The following KCNIP1 variants were observed in gnomAD, a reference collection of about 807,000 sequenced individuals.
KCNIP1 encodes potassium voltage-gated channel interacting protein 1.
KCNIP1 carries 18 observed loss-of-function variants against 33.0 expected under a neutral mutation model. That is an observed-to-expected ratio of 0.55 (90% CI 0.38 to 0.81). The LOEUF (loss-of-function observed/expected upper bound fraction) is 0.81, where lower values mean the gene tolerates loss of function less well. Among genes scored for constraint, KCNIP1 ranks in the 30% least tolerant of loss-of-function variants. The pLI, the probability that KCNIP1 is intolerant of heterozygous loss-of-function variation, is 0.00. For synonymous variants in KCNIP1, 93 were observed against 98.3 expected (o/e 0.95, Z 0.32); for missense variants, 238 against 271.6 (o/e 0.88, Z 0.87).
Position 170,504,220 on chromosome 5 carries a change from C to T in KCNIP1, c.-353C>T, listed in dbSNP as rs1350470140. 10 of 1,057,854 alleles carry T rather than the reference C, an allele frequency of 9.5e-6. No homozygotes were observed. The African/African-American group carries it at 1.3e-4, about 14-fold the overall frequency. The allele number at this position is 1,057,854 out of a possible 1,614,324, so 65.5% of individuals were successfully genotyped here. ...TCCCGCACCGCACGCGGCGCTGGCTCGGCAGCCTCGGCCGGGCGGCCGCTC... is the reference window on the plus strand; with the variant it reads ...TCCCGCACCGCACGCGGCGCTGGCTTGGCAGCCTCGGCCGGGCGGCCGCTC... On this transcript the variant is annotated 5_prime_UTR_variant, in exon 1 of 8. Coordinates refer to ENST00000328939, the MANE Select transcript of KCNIP1 (RefSeq NM_014592.4). This position sits in a 1 kb window ranked among gnomAD's most constrained non-coding sequence, Gnocchi z 6.0.
intron 1 of KCNIP1, among the ~76,000 whole-genome samples, chr5:170,605,560 G>C (rs575605249): frequency 1.3e-5 from 2 of 152,076 alleles, no homozygotes; most frequent in Non-Finnish European, 2.9e-5. Flanking sequence ...TGGAAGCCCC[G>C]TATTCACTAA....
intron 1 of KCNIP1, among the ~76,000 whole-genome samples, chr5:170,400,676 T>C (rs1324332822): frequency 6.6e-6 from 1 of 152,256 alleles, no homozygotes; most frequent in East Asian, 1.9e-4. Flanking sequence ...AAGTGGTTAC[T>C]GTGGTTATCC....
At chr5:170,548,465 T>C (rs1003794173) in intron 1 of KCNIP1, among the ~76,000 whole-genome samples, 39 of 152,234 alleles carry the variant, frequency 2.6e-4, no homozygotes, top group Admixed American at 2.0e-3. Context: ...AAGTACTGTG[T>C]TTGCACCTTT....
intron 1 of KCNIP1, among the ~76,000 whole-genome samples, chr5:170,566,185 C>T (rs952376128): frequency 2.6e-5 from 4 of 152,114 alleles, no homozygotes; most frequent in South Asian, 2.1e-4. Flanking sequence ...CTCAGCCTCC[C>T]GAGTAGCTGG....
intron 2 of KCNIP1, 116 bp from the exon 3 acceptor site, chr5:170,720,205 T>C: frequency 4.2e-6 from 3 of 716,756 alleles, no homozygotes; most frequent in Non-Finnish European, 7.5e-6. Context: ...GAAGTGGAAA[T>C]GCACAGGTCC....
At chr5:170,664,926 G>C (rs542500365) in intron 1 of KCNIP1, among the ~76,000 whole-genome samples, 3 of 152,156 alleles carry the variant, frequency 2.0e-5, no homozygotes, top group Admixed American at 2.0e-4. Context: ...GTTGACTCCC[G>C]AACTAACTGA....
chr5:170,353,815 G>T, exon 1 of KCNIP1: 1 of 1,498,380 alleles, frequency 6.7e-7, no homozygotes, highest in South Asian at 1.1e-5. Context: ...TTCCTGGGGT[G>T]CACAAGGTGG....
chr5:170,619,926 T>A (rs2202436), intron 1 of KCNIP1, among the ~76,000 whole-genome samples: 132,903 of 152,082 alleles, frequency 0.87, 58,325 homozygotes, highest in Middle Eastern at 0.94. Context: ...TCAAGGAGGG[T>A]TGAGGGGTCT....
chr5:170,406,396 G>A (rs1327289744), intron 1 of KCNIP1, among the ~76,000 whole-genome samples: 2 of 152,196 alleles, frequency 1.3e-5, no homozygotes, highest in South Asian at 2.1e-4. Flanking sequence ...CCCATTATTG[G>A]TCGTGTAAAT....
chr5:170,611,090 G>A (rs1044554045), intron 1 of KCNIP1, among the ~76,000 whole-genome samples: 1 of 152,230 alleles, frequency 6.6e-6, no homozygotes, highest in African/African-American at 2.4e-5. Flanking sequence ...TGGCTTGACA[G>A]TGGCACTCAA....
intron 1 of KCNIP1, among the ~76,000 whole-genome samples, chr5:170,394,630 C>T (rs541594835): frequency 6.6e-6 from 1 of 152,256 alleles, no homozygotes; most frequent in African/African-American, 2.4e-5. Flanking sequence ...TCGGGGGATA[C>T]ACGTGCAGGT....
intron 1 of KCNIP1, among the ~76,000 whole-genome samples, chr5:170,585,678 G>T (rs1357281960): frequency 1.3e-5 from 2 of 152,186 alleles, no homozygotes; most frequent in African/African-American, 4.8e-5. Flanking sequence ...AGAACTTGGG[G>T]CTGATAATGG....
At chr5:170,687,276 G>C (rs1762571244) in intron 1 of KCNIP1, among the ~76,000 whole-genome samples, 1 of 151,858 alleles carries the variant, frequency 6.6e-6, no homozygotes, top group African/African-American at 2.4e-5. Flanking sequence ...CCGCCTCCCG[G>C]GTTCAAGCGA....
chr5:170,611,621 G>T (rs1759157151), intron 1 of KCNIP1, among the ~76,000 whole-genome samples: 1 of 152,202 alleles, frequency 6.6e-6, no homozygotes, highest in Non-Finnish European at 1.5e-5. Context: ...AGCCTTGGCT[G>T]CCTGCCAGGA....
chr5:170,523,681 A>T (rs2113316542), intron 1 of KCNIP1, among the ~76,000 whole-genome samples: 1 of 151,886 alleles, frequency 6.6e-6, no homozygotes, highest in South Asian at 2.1e-4. Context: ...GGGACAATCC[A>T]CCCCTGCCCA....
At chr5:170,586,271 G>A (rs540111047) in intron 1 of KCNIP1, among the ~76,000 whole-genome samples, 87 of 152,276 alleles carry the variant, frequency 5.7e-4, no homozygotes, top group African/African-American at 2.0e-3. Flanking sequence ...CAATTCATCT[G>A]CCTCAAAGTT....
chr5:170,630,310 T>C (rs1282532512), intron 1 of KCNIP1, among the ~76,000 whole-genome samples: 1 of 152,234 alleles, frequency 6.6e-6, no homozygotes, highest in Non-Finnish European at 1.5e-5. Flanking sequence ...GCAGCACCGA[T>C]GACTTAATGT....
At position 170,718,770 on chromosome 5, in the gene KCNIP1, A is replaced by T; in HGVS notation, c.74A>T (p.Asp25Val). ...CCTCTGGTTCCAGATAAGATTGAAGATGAGCTGGAGATGACCATGGTTTGC... is the reference window on the plus strand; with the variant it reads ...CCTCTGGTTCCAGATAAGATTGAAGTTGAGCTGGAGATGACCATGGTTTGC... ...QRRPSKDKIE[D>V]ELEMTMVCHR... Residue 25 changes from aspartate (D) to valine (V), a missense_variant, in exon 2 of 8, where the codon GAT becomes GTT. Coordinates refer to ENST00000328939, the MANE Select transcript of KCNIP1 (RefSeq NM_014592.4). The T allele has an allele frequency of 1.2e-6, 2 of 1,613,612 alleles. No homozygotes were observed. Among genetic ancestry groups the T allele is most frequent in the Admixed American group, 1.7e-5 (1 of 59,960 alleles).
intron 1 of KCNIP1, among the ~76,000 whole-genome samples, chr5:170,506,930 A>G (rs957848803): frequency 5.9e-5 from 9 of 152,220 alleles, no homozygotes; most frequent in Non-Finnish European, 1.3e-4. Context: ...AGACCCTTCT[A>G]TGGGAGGCAG....
Sources: gnomAD v4.1 joint callset for allele counts (sites outside exome capture counted in the v4.1 genomes callset) on GRCh38, gnomAD v4.1.1 for gene constraint, Gnocchi (gnomAD v3.1) non-coding constraint, MANE v1.5 for transcripts, NCBI Gene and HGNC (gene_info 2026-07-23, HGNC 2026-07-21) for gene names.